SCHIP1: variants seen among roughly 807,000 people sequenced by gnomAD.
SCHIP1 encodes the protein schwannomin-interacting protein 1.
Under a neutral mutation model 29.7 loss-of-function variants are expected in SCHIP1, and 8 were observed. The ratio of observed to expected loss-of-function variants is 0.27; its 90% CI spans 0.16 to 0.49. The LOEUF (loss-of-function observed/expected upper bound fraction) is 0.49, where lower values mean the gene tolerates loss of function less well. Among genes scored for constraint, SCHIP1 ranks in the 20% least tolerant of loss-of-function variants. The pLI is 0.99. For missense variants in SCHIP1, 193 were observed against 294.6 expected (o/e 0.66, Z 2.52); for synonymous variants, 76 against 94.9 (o/e 0.80, Z 1.16).
At chr3:159,613,856 C>T in the SCHIP1 span, among the ~76,000 whole-genome samples, 1 of 152,172 alleles carries the variant, frequency 6.6e-6, no homozygotes, top group Non-Finnish European at 1.5e-5. Flanking sequence ...AGCATTCCAA[C>T]AAAAACTTGG....
the SCHIP1 span, among the ~76,000 whole-genome samples, chr3:159,740,821 T>C: frequency 6.9e-6 from 1 of 144,908 alleles, no homozygotes; most frequent in Non-Finnish European, 1.5e-5. Flanking sequence ...AGATATCCTA[T>C]CTTAGCTATT....
the SCHIP1 span, among the ~76,000 whole-genome samples, chr3:159,497,647 G>C: frequency 1.3e-5 from 2 of 151,516 alleles, no homozygotes; most frequent in African/African-American, 4.9e-5. Context: ...AGCAGAAGCA[G>C]AAAGAAGGCA....
At chr3:159,285,214 C>T in the SCHIP1 span, among the ~76,000 whole-genome samples, 2 of 152,042 alleles carry the variant, frequency 1.3e-5, no homozygotes, top group South Asian at 2.1e-4. Context: ...AGTTTCTGAT[C>T]TTTCTTTTTA....
the SCHIP1 span, among the ~76,000 whole-genome samples, chr3:159,657,116 A>G: frequency 6.6e-6 from 1 of 152,202 alleles, no homozygotes; most frequent in Non-Finnish European, 1.5e-5. Context: ...CTAAGTCTAC[A>G]TGTACTAAAA....
chr3:159,887,680 G>A, intron 3 of SCHIP1, 28 bp from the exon 5 acceptor site: 1 of 1,613,200 alleles, frequency 6.2e-7, no homozygotes, highest in East Asian at 2.2e-5. Flanking sequence ...TGCATGGAAG[G>A]CTCAGGCTGC....
intron 1 of SCHIP1, among the ~76,000 whole-genome samples, chr3:159,841,796 AG>A (rs1744245427): frequency 6.6e-6 from 1 of 152,202 alleles, no homozygotes; most frequent in Non-Finnish European, 1.5e-5. Context: ...TGTGTTTAAT[AG>A]TTTTGAAGTA....
At chr3:159,826,317 A>G in the SCHIP1 span, among the ~76,000 whole-genome samples, 1 of 152,308 alleles carries the variant, frequency 6.6e-6, no homozygotes, top group East Asian at 1.9e-4. Context: ...ATTAGGGTCA[A>G]AGTTCTGATG....
the SCHIP1 span, chr3:159,764,434 TC>T: frequency 1.3e-6 from 2 of 1,575,110 alleles, no homozygotes; most frequent in East Asian, 2.3e-5. The surrounding 1 kb of genome is among the most constrained non-coding windows in gnomAD (Gnocchi z 6.1). Flanking sequence ...CTCTACCTCC[TC>T]CCCCTAGGAT....
chr3:159,446,727 C>G, the SCHIP1 span, among the ~76,000 whole-genome samples: 1 of 152,176 alleles, frequency 6.6e-6, no homozygotes, highest in African/African-American at 2.4e-5. Context: ...CAAATCCTCT[C>G]AATACTGTCA....
the SCHIP1 span, among the ~76,000 whole-genome samples, chr3:159,421,147 T>G: frequency 6.6e-6 from 1 of 152,246 alleles, no homozygotes; most frequent in African/African-American, 2.4e-5. Flanking sequence ...CATCTTTACC[T>G]GCTGTGTTGT....
At chr3:159,533,727 A>G in the SCHIP1 span, among the ~76,000 whole-genome samples, 1 of 152,192 alleles carries the variant, frequency 6.6e-6, no homozygotes, top group Non-Finnish European at 1.5e-5. Flanking sequence ...CCTTCAGGTC[A>G]GCAATGGATT....
chr3:159,482,592 T>C, the SCHIP1 span, among the ~76,000 whole-genome samples: 4 of 152,222 alleles, frequency 2.6e-5, no homozygotes, highest in African/African-American at 9.6e-5. Context: ...AAATATGTAT[T>C]TCTTAACCAA....
chr3:159,809,255 G>A, the SCHIP1 span, among the ~76,000 whole-genome samples: 11 of 151,040 alleles, frequency 7.3e-5, no homozygotes, highest in Admixed American at 2.0e-4. Flanking sequence ...TTCTGTCCTT[G>A]TGATAGTTTG....
At chr3:159,554,002 GTGT>G in the SCHIP1 span, among the ~76,000 whole-genome samples, 1 of 124,876 alleles carries the variant, frequency 8.0e-6, no homozygotes, top group Non-Finnish European at 1.6e-5. Flanking sequence ...GTGTGTGTGT[GTGT>G]GTGTGTGTGT....
At chr3:159,608,207 T>G in the SCHIP1 span, among the ~76,000 whole-genome samples, 1 of 152,190 alleles carries the variant, frequency 6.6e-6, no homozygotes, top group South Asian at 2.1e-4. Context: ...GAGACCTCAG[T>G]GATTCAACTT....
chr3:159,824,941 A>G, the SCHIP1 span, among the ~76,000 whole-genome samples: 3 of 152,166 alleles, frequency 2.0e-5, no homozygotes, highest in African/African-American at 7.2e-5. Flanking sequence ...CCCATAGTAG[A>G]CAGGCAAATT....
chr3:159,518,397 T>C, the SCHIP1 span, among the ~76,000 whole-genome samples: 1 of 152,134 alleles, frequency 6.6e-6, no homozygotes, highest in Non-Finnish European at 1.5e-5. Flanking sequence ...AGGTTTTTAT[T>C]TTATTATCTT....
At chr3:159,351,692 A>G in the SCHIP1 span, among the ~76,000 whole-genome samples, 1 of 152,176 alleles carries the variant, frequency 6.6e-6, no homozygotes, top group African/African-American at 2.4e-5. Flanking sequence ...TTGTGTTTTA[A>G]TATTTCTCAT....
the SCHIP1 span, among the ~76,000 whole-genome samples, chr3:159,277,494 T>G: frequency 6.6e-6 from 1 of 152,170 alleles, no homozygotes; most frequent in South Asian, 2.1e-4. Flanking sequence ...GATAAAGACC[T>G]GTGAATGGAA....
Sources: gnomAD v4.1 joint callset for allele counts (sites outside exome capture counted in the v4.1 genomes callset) on GRCh38, gnomAD v4.1.1 for gene constraint, Gnocchi (gnomAD v3.1) non-coding constraint, MANE v1.5 for transcripts, NCBI Gene and HGNC (gene_info 2026-07-23, HGNC 2026-07-21) for gene names.